MCOLN3: variants seen among roughly 807,000 people sequenced by gnomAD.
MCOLN3 encodes mucolipin TRP cation channel 3.
MCOLN3 carries 62 observed loss-of-function variants against 69.4 expected under a neutral mutation model. The ratio of observed to expected loss-of-function variants is 0.89; its 90% CI spans 0.73 to 1.10. The LOEUF is 1.10. Ranked by LOEUF, MCOLN3 falls within the 50% of genes least tolerant of loss-of-function variation. The pLI is 0.00. For missense variants in MCOLN3, 564 were observed against 656.4 expected, an observed-to-expected ratio of 0.86 and a Z score of 1.54; for synonymous variants, 183 against 217.0, an observed-to-expected ratio of 0.84 and a Z score of 1.38.
intron 3 of MCOLN3, among the ~76,000 whole-genome samples, chr1:85,040,167 TA>T (rs1199864698): frequency 6.6e-6 from 1 of 152,206 alleles, no homozygotes; most frequent in Admixed American, 6.5e-5. Flanking sequence ...AACTTATTTC[TA>T]TTACTTTAGA....
chr1:85,024,289 C>T (rs1327252378), intron 9 of MCOLN3, among the ~76,000 whole-genome samples: 1 of 152,102 alleles, frequency 6.6e-6, no homozygotes, highest in African/African-American at 2.4e-5. Flanking sequence ...GATATTATCT[C>T]TTAAGAAAAG....
At chr1:85,032,084 A>G (rs1652558803) in intron 6 of MCOLN3, among the ~76,000 whole-genome samples, 1 of 148,874 alleles carries the variant, frequency 6.7e-6, no homozygotes, top group African/African-American at 2.5e-5. Context: ...TCAAAAAAAG[A>G]AGAGAGAGAG....
At chr1:85,035,119 G>A (rs1652741974) in intron 3 of MCOLN3, among the ~76,000 whole-genome samples, 1 of 152,164 alleles carries the variant, frequency 6.6e-6, no homozygotes, top group Admixed American at 6.5e-5. Context: ...CCTATAACTT[G>A]ACATCTCCAT....
chr1:85,041,709 C>T (rs1407292259), intron 2 of MCOLN3, among the ~76,000 whole-genome samples: 1 of 151,662 alleles, frequency 6.6e-6, no homozygotes, highest in Non-Finnish European at 1.5e-5. Context: ...ATCTCTACTA[C>T]AAATAAAAAA....
At chr1:85,034,002 A>G (rs1652675037) in intron 4 of MCOLN3, 96 bp downstream of exon 4, 1 of 1,335,948 alleles carries the variant, frequency 7.5e-7, no homozygotes, top group Non-Finnish European at 1.0e-6. Context: ...TCCTAATATC[A>G]CAGACCAAAT....
rs550710536 is a variant in MCOLN3 at position 85,048,476 on chromosome 1, C to T, written c.-83G>A. On this transcript the variant is annotated 5_prime_UTR_variant, in exon 1 of 13. Coordinates refer to ENST00000370589, the MANE Select transcript of MCOLN3 (RefSeq NM_018298.11). Reference sequence around the variant, plus strand: ...CGAGTCAGCGAGCGACTCCAGCAGCCTCGAGCCCCGCTCCGCCCAGAGTCA... The same window carrying T: ...CGAGTCAGCGAGCGACTCCAGCAGCTTCGAGCCCCGCTCCGCCCAGAGTCA... 2.6e-4 allele frequency: 40 copies of T among 152,450 alleles called. No homozygotes were observed. The highest frequency in any genetic ancestry group is 9.1e-4 in the African/African-American group (38 of 41,572). The allele number at this position is 152,450 out of a possible 1,614,324, so 9.4% of individuals were successfully genotyped here.
chr1:85,033,007 T>A (rs1222713862), intron 4 of MCOLN3, 51 bp from the exon 5 acceptor site: 1 of 1,455,608 alleles, frequency 6.9e-7, no homozygotes, highest in Non-Finnish European at 9.6e-7. Context: ...TAAGACTGCA[T>A]TTTGAAAGGC....
intron 2 of MCOLN3, 78 bp downstream of exon 2, chr1:85,045,055 T>TAAA: frequency 2.9e-6 from 3 of 1,023,366 alleles, no homozygotes; most frequent in Non-Finnish European, 2.8e-6. Flanking sequence ...AAAAGTTATT[T>TAAA]AAAAAAAAAA....
At chr1:85,044,084 A>G (rs1023452693) in intron 2 of MCOLN3, among the ~76,000 whole-genome samples, 4 of 152,264 alleles carry the variant, frequency 2.6e-5, no homozygotes, top group East Asian at 1.9e-4. Flanking sequence ...AGCTCTACAA[A>G]CATCAGTTTC....
chr1:85,046,027 T>C (rs988227885), intron 1 of MCOLN3, among the ~76,000 whole-genome samples: 1 of 152,072 alleles, frequency 6.6e-6, no homozygotes, highest in African/African-American at 2.4e-5. Flanking sequence ...TAGTTATGAG[T>C]GTAGAGAGCA....
intron 9 of MCOLN3, chr1:85,024,605 C>G (rs1272597378): frequency 6.6e-6 from 1 of 151,528 alleles, no homozygotes; most frequent in Non-Finnish European, 1.5e-5. Flanking sequence ...GAGGATAGGA[C>G]AAGGGTATTA....
At chr1:85,045,512 T>A (rs1653304792) in intron 1 of MCOLN3, 150 bp from the exon 2 acceptor site, 2 of 612,380 alleles carry the variant, frequency 3.3e-6, no homozygotes, top group South Asian at 4.8e-5. Flanking sequence ...ATTTTAGATG[T>A]TTACAGAATC....
intron 11 of MCOLN3, among the ~76,000 whole-genome samples, chr1:85,021,803 A>T (rs533178632): frequency 6.6e-6 from 1 of 152,346 alleles, no homozygotes; most frequent in Non-Finnish European, 1.5e-5. Flanking sequence ...TCGATGAATC[A>T]AATTGACTAA....
intron 2 of MCOLN3, among the ~76,000 whole-genome samples, chr1:85,042,753 C>T (rs7553208): frequency 0.022 from 3,390 of 152,306 alleles, 136 homozygotes; most frequent in African/African-American, 0.078. Context: ...TCATTGTAAA[C>T]ATCTTTCTTT....
intron 9 of MCOLN3, chr1:85,024,444 T>C (rs1652112188): frequency 6.6e-6 from 1 of 152,270 alleles, no homozygotes. Flanking sequence ...TGGCCCTGAA[T>C]AGTGGCCTAA....
At chr1:85,024,050 G>C (rs541547168) in intron 9 of MCOLN3, among the ~76,000 whole-genome samples, 2 of 152,010 alleles carry the variant, frequency 1.3e-5, no homozygotes, top group Admixed American at 6.6e-5. Flanking sequence ...ATGAGATTTT[G>C]GGGGGCTGTG....
intron 12 of MCOLN3, among the ~76,000 whole-genome samples, chr1:85,020,031 T>C (rs1008180144): frequency 3.9e-5 from 6 of 152,222 alleles, no homozygotes; most frequent in Non-Finnish European, 7.3e-5. Context: ...TGAAAACCCA[T>C]GTTATCCTTA....
chr1:85,022,280 G>T lies in MCOLN3; in HGVS notation c.1197+19C>A. 1 of 1,613,454 alleles carries T rather than the reference G, an allele frequency of 6.2e-7. No individual in the cohort carries two copies. The highest frequency in any genetic ancestry group is 8.5e-7 in the Non-Finnish European group (1 of 1,179,418). On this transcript the variant is annotated intron_variant, in intron 10 of 12. Transcript: ENST00000370589. ...TTGAGAGAAATACCAACAGCATGGA[G>T]ATCCGTGGAATTCCTTACGTTGTAC...
In MCOLN3 at chr1:85,021,195, G is replaced by A; in HGVS notation, c.1402C>T (p.Gln468Ter). 1 of 1,613,754 alleles carries A rather than the reference G, an allele frequency of 6.2e-7. No individual in the cohort carries two copies. The highest frequency in any genetic ancestry group is 1.1e-5 in the South Asian group (1 of 91,074). Residue 468 changes from glutamine to a stop codon, truncating the protein, a stop_gained, in exon 12 of 13, where the codon CAG becomes TAG. Transcript: ENST00000370589. LOFTEE classifies it high-confidence loss of function. ...AGCCAGACTAAGTAACTTTTTTGCTGCATTTTTGCAAACGTGGCAAACATA... is the reference window on the plus strand; with the variant it reads ...AGCCAGACTAAGTAACTTTTTTGCTACATTTTTGCAAACGTGGCAAACATA... ...DDMFATFAKM[Q>*]QKSYLVWLFS...
Sources: allele counts gnomAD v4.1 joint callset (sites outside exome capture counted in the v4.1 genomes callset), GRCh38; gene constraint gnomAD v4.1.1; transcripts MANE v1.5; gene names NCBI Gene and HGNC (gene_info 2026-07-23, HGNC 2026-07-21).